The following PLA2G4A variants were observed in gnomAD, a reference collection of about 807,000 sequenced individuals.
PLA2G4A encodes the protein cytosolic phospholipase A2.
Under a neutral mutation model 81.9 loss-of-function variants are expected in PLA2G4A, and 40 were observed. That is an observed-to-expected ratio of 0.49 (90% CI 0.38 to 0.64). The LOEUF is 0.64. Ranked by LOEUF, PLA2G4A falls within the 30% of genes least tolerant of loss-of-function variation. The pLI is 0.00. For missense variants in PLA2G4A, 715 were observed against 905.1 expected (o/e 0.79, Z 2.69); for synonymous variants, 302 against 296.9 (o/e 1.02, Z -0.18).
intron 10 of PLA2G4A, among the ~76,000 whole-genome samples, 184 bp from the exon 11 acceptor site, chr1:186,946,453 G>GTT (rs12720622): frequency 2.6e-5 from 4 of 151,916 alleles, no homozygotes; most frequent in African/African-American, 9.7e-5. Context: ...ACCTCTAAGC[G>GTT]TTTTTCCCCC....
At chr1:186,884,949 A>T (rs1653880515) in intron 3 of PLA2G4A, among the ~76,000 whole-genome samples, 1 of 151,552 alleles carries the variant, frequency 6.6e-6, no homozygotes, top group African/African-American at 2.4e-5. Context: ...GTTTTCCCTC[A>T]GTCTATTAGT....
intron 17 of PLA2G4A, among the ~76,000 whole-genome samples, chr1:186,986,815 C>T (rs1657905183): frequency 6.6e-6 from 1 of 152,216 alleles, no homozygotes; most frequent in Admixed American, 6.5e-5. Flanking sequence ...CCATCTCACA[C>T]AGCCAAGAAG....
intron 12 of PLA2G4A, among the ~76,000 whole-genome samples, chr1:186,949,796 A>T (rs1486825566): frequency 6.6e-6 from 1 of 151,940 alleles, no homozygotes; most frequent in African/African-American, 2.4e-5. Context: ...CCAAGGAAGG[A>T]TGATCACTTG....
chr1:186,890,882 T>G (rs1253621943), intron 3 of PLA2G4A, among the ~76,000 whole-genome samples: 1 of 150,874 alleles, frequency 6.6e-6, no homozygotes, highest in Non-Finnish European at 1.5e-5. Flanking sequence ...AGAAAAAAAT[T>G]GTTGCTTCAT....
At chr1:186,890,976 A>C (rs1240397595) in intron 3 of PLA2G4A, among the ~76,000 whole-genome samples, 3 of 152,150 alleles carry the variant, frequency 2.0e-5, no homozygotes, top group African/African-American at 7.2e-5. Flanking sequence ...AAAGTTGTTC[A>C]GTGTACAACC....
intron 3 of PLA2G4A, among the ~76,000 whole-genome samples, chr1:186,872,521 T>C (rs1653314616): frequency 6.6e-6 from 1 of 151,264 alleles, no homozygotes; most frequent in Non-Finnish European, 1.5e-5. Flanking sequence ...CCCCCACCCC[T>C]TTTTTTTAAT....
chr1:186,943,675 T>C (rs1404196042), intron 10 of PLA2G4A, among the ~76,000 whole-genome samples: 12 of 152,086 alleles, frequency 7.9e-5, no homozygotes, highest in Admixed American at 7.9e-4. Flanking sequence ...GGAAACAATA[T>C]GAGAAAATGC....
chr1:186,923,878 G>A (rs1655450252), intron 7 of PLA2G4A, among the ~76,000 whole-genome samples: 1 of 152,146 alleles, frequency 6.6e-6, no homozygotes, highest in African/African-American at 2.4e-5. Flanking sequence ...ACTACTTCCT[G>A]TTCCCCTCAT....
intron 2 of PLA2G4A, among the ~76,000 whole-genome samples, chr1:186,869,591 G>T (rs1653166192): frequency 1.3e-5 from 2 of 152,032 alleles, no homozygotes; most frequent in Non-Finnish European, 2.9e-5. Context: ...GACTGTCACT[G>T]CTCACTTTTC....
intron 7 of PLA2G4A, among the ~76,000 whole-genome samples, chr1:186,922,316 A>G (rs962003373): frequency 3.9e-5 from 6 of 152,192 alleles, no homozygotes; most frequent in African/African-American, 1.4e-4. Flanking sequence ...CAAGTTGAAA[A>G]CAAAAACCAA....
chr1:186,865,649 C>T (rs1215211057), intron 2 of PLA2G4A, among the ~76,000 whole-genome samples: 2 of 152,082 alleles, frequency 1.3e-5, no homozygotes, highest in Non-Finnish European at 2.9e-5. Flanking sequence ...TAGAGAAAAA[C>T]AATATTTGCA....
chr1:186,925,040 C>A (rs144700735), intron 7 of PLA2G4A, among the ~76,000 whole-genome samples: 8 of 152,116 alleles, frequency 5.3e-5, no homozygotes, highest in Non-Finnish European at 8.8e-5. Flanking sequence ...AAAGTGAGAT[C>A]TTGTCTCAAA....
chr1:186,837,391 G>T (rs1651814755), intron 1 of PLA2G4A, among the ~76,000 whole-genome samples: 1 of 151,892 alleles, frequency 6.6e-6, no homozygotes, highest in South Asian at 2.1e-4. Context: ...ATATGGAGTC[G>T]ACAGACAGAC....
intron 5 of PLA2G4A, among the ~76,000 whole-genome samples, chr1:186,898,095 A>G (rs1654405381): frequency 6.6e-6 from 1 of 152,154 alleles, no homozygotes; most frequent in African/African-American, 2.4e-5. Flanking sequence ...AAAGCTTCCA[A>G]TTCCTCTCAT....
At chr1:186,949,339 A>C (rs765620814) in intron 12 of PLA2G4A, among the ~76,000 whole-genome samples, 1 of 69,012 alleles carries the variant, frequency 1.4e-5, no homozygotes, top group South Asian at 4.3e-4. Context: ...AGGAAAGAAG[A>C]AAGAAAGAGA....
chr1:186,861,204 C>CAGT (rs1373873163), intron 2 of PLA2G4A, among the ~76,000 whole-genome samples: 4 of 152,152 alleles, frequency 2.6e-5, no homozygotes, highest in Non-Finnish European at 5.9e-5. Context: ...AATGGGTTAC[C>CAGT]AGTACATGGA....
At chr1:186,836,227 TAATC>T (rs1487263220) in intron 1 of PLA2G4A, among the ~76,000 whole-genome samples, 3 of 151,262 alleles carry the variant, frequency 2.0e-5, no homozygotes, top group Non-Finnish European at 4.4e-5. Flanking sequence ...ATATAATTAA[TAATC>T]AATATGAATT....
At chr1:186,835,039 T>A (rs986158204) in intron 1 of PLA2G4A, among the ~76,000 whole-genome samples, 1 of 152,192 alleles carries the variant, frequency 6.6e-6, no homozygotes, top group Non-Finnish European at 1.5e-5. Flanking sequence ...ATACATACTA[T>A]GATGTGGTAA....
chr1:186,888,615 C>A (rs1033607251), intron 3 of PLA2G4A, among the ~76,000 whole-genome samples: 28 of 152,288 alleles, frequency 1.8e-4, no homozygotes, highest in African/African-American at 6.0e-4. Context: ...TAAAATTAGG[C>A]TATTAACATT....
Sources: allele counts gnomAD v4.1 joint callset (sites outside exome capture counted in the v4.1 genomes callset), GRCh38; gene constraint gnomAD v4.1.1; transcripts MANE v1.5; gene names NCBI Gene and HGNC (gene_info 2026-07-23, HGNC 2026-07-21).